The following RAI1 variants were observed in gnomAD, a reference collection of about 807,000 sequenced individuals.
The protein encoded by RAI1 is retinoic acid-induced protein 1.
RAI1 carries 9 observed loss-of-function variants against 123.8 expected under a neutral mutation model. The observed-to-expected ratio is 0.07, with a 90% CI of 0.04 to 0.13. The LOEUF (loss-of-function observed/expected upper bound fraction) is 0.13. Ranked by LOEUF, RAI1 falls within the 10% of genes least tolerant of loss-of-function variation. RAI1 has a pLI of 1.00. For synonymous variants in RAI1, 1,231 were observed against 1,127.3 expected (o/e 1.09, Z -1.84); for missense variants, 2,256 against 2,545.8 (o/e 0.89, Z 2.45).
At chr17:17,719,263 C>T (rs554248168) in intron 1 of RAI1, among the ~76,000 whole-genome samples, 58 of 152,362 alleles carry the variant, frequency 3.8e-4, no homozygotes, top group African/African-American at 1.4e-3. Flanking sequence ...AAAGTCCCTA[C>T]AATGGTGTGT....
At position 17,806,163 on chromosome 17, in the gene RAI1, T is replaced by C. The variant is rs368540950; in HGVS notation, c.5659+2314T>C. On this transcript the variant is annotated intron_variant, in intron 4 of 5. Coordinates refer to ENST00000353383, the MANE Select transcript of RAI1 (RefSeq NM_030665.4). ...TATGCACTGTGGAAGAGGTTCATCCTGTCTGAACAAGGGAGAAATCTAGGA... is the reference window on the plus strand; with the variant it reads ...TATGCACTGTGGAAGAGGTTCATCCCGTCTGAACAAGGGAGAAATCTAGGA... Among the ~76,000 whole-genome samples, 71 of 152,368 alleles carry C rather than the reference T, an allele frequency of 4.7e-4. No individual in the cohort carries two copies. The East Asian group carries it at 0.011, about 23-fold the overall frequency.
At chr17:17,681,880 G>A (rs1266523987) in intron 1 of RAI1, 87 bp downstream of exon 1, 1 of 222,476 alleles carries the variant, frequency 4.5e-6, no homozygotes, top group Non-Finnish European at 8.8e-6. Flanking sequence ...CCTAGGCCGG[G>A]TGATGAGCCG....
At chr17:17,734,500 C>G (rs1567858886) in intron 2 of RAI1, among the ~76,000 whole-genome samples, 1 of 152,136 alleles carries the variant, frequency 6.6e-6, no homozygotes, top group African/African-American at 2.4e-5. Flanking sequence ...GTGGCTGATT[C>G]TAAATTGGGA....
In RAI1 at chr17:17,809,557, C is replaced by T. The variant is rs910403727; in HGVS notation, c.5709+118C>T. On this transcript the variant is annotated intron_variant, in intron 5 of 5. Coordinates refer to ENST00000353383, the MANE Select transcript of RAI1 (RefSeq NM_030665.4). The surrounding 1 kb of genome is among the most constrained non-coding windows in gnomAD (Gnocchi z 4.9). ...GCTGCGCAGCCCCGCAGGGCCCAGC[C>T]CTAGGGGAGGGAGCTCTCCCCGCCC... The T allele has an allele frequency of 3.4e-6, 4 of 1,170,974 alleles. No individual in the cohort carries two copies. In the African/African-American group the frequency reaches 4.6e-5, roughly 13 times the overall value. 72.5% of individuals were successfully genotyped at this position (1,170,974 alleles called of 1,614,324 possible).
chr17:17,771,135 C>G (rs1349729054), intron 2 of RAI1, among the ~76,000 whole-genome samples: 1 of 152,178 alleles, frequency 6.6e-6, no homozygotes. Flanking sequence ...GGCCATGCCC[C>G]TGACCCTGCC....
intron 1 of RAI1, among the ~76,000 whole-genome samples, chr17:17,709,130 A>T (rs1054261862): frequency 6.6e-6 from 1 of 152,100 alleles, no homozygotes; most frequent in Non-Finnish European, 1.5e-5. Flanking sequence ...GGGGACCATC[A>T]TTATGACAAT....
rs1727500957 is a variant in RAI1, at chr17:17,799,090, G to T, written c.5565+577G>T. 6.6e-6 allele frequency among the ~76,000 whole-genome samples: 1 copy of T among 152,204 alleles called. No individual in the cohort carries two copies. The highest frequency in any genetic ancestry group is 6.5e-5 in the Admixed American group (1 of 15,280). ...CAACAGGCAGGGCGGGGCAGATCCAGACCCTCTCACCATTGGCTCTGAGAC... is the reference window on the plus strand; with the variant it reads ...CAACAGGCAGGGCGGGGCAGATCCATACCCTCTCACCATTGGCTCTGAGAC... On this transcript the variant is annotated intron_variant, in intron 3 of 5. Transcript: ENST00000353383. This position sits in a 1 kb window ranked among gnomAD's most constrained non-coding sequence, Gnocchi z 4.5.
At chr17:17,713,623 G>A (rs545460274) in intron 1 of RAI1, among the ~76,000 whole-genome samples, 178 of 151,664 alleles carry the variant, frequency 1.2e-3, no homozygotes, top group African/African-American at 4.1e-3. Flanking sequence ...CCTGGGCAAC[G>A]AGAGCAAAAC....
chr17:17,683,859 G>C (rs1914529692), intron 1 of RAI1: 1 of 152,130 alleles, frequency 6.6e-6, no homozygotes, highest in Admixed American at 6.5e-5. Flanking sequence ...TCATAGGCAG[G>C]GACCCTGTCT....
chr17:17,794,742 G>T lies in RAI1; in HGVS notation c.1794G>T (p.Leu598=). 2 of 1,612,310 alleles carry T rather than the reference G, an allele frequency of 1.2e-6. No homozygotes were observed. The highest frequency in any genetic ancestry group is 8.5e-7 in the Non-Finnish European group (1 of 1,180,020). Residue 598 remains leucine, a synonymous_variant, in exon 3 of 6, where the codon CTG becomes CTT. Coordinates refer to ENST00000353383, the MANE Select transcript of RAI1 (RefSeq NM_030665.4). The part of the protein sequence containing the change: ...VAGERDCPRL[L]LSALAQEDLA... ...GTGAGCGGGACTGTCCGCGGCTGCTGCTCAGCGCCCTGGCACAGGAGGACC... is the reference window on the plus strand; with the variant it reads ...GTGAGCGGGACTGTCCGCGGCTGCTTCTCAGCGCCCTGGCACAGGAGGACC...
In RAI1 at chr17:17,704,506, C is replaced by T. The variant is rs148397579; in HGVS notation, c.-148-19522C>T. On this transcript the variant is annotated intron_variant, in intron 1 of 5. Coordinates refer to ENST00000353383, the MANE Select transcript of RAI1 (RefSeq NM_030665.4). ...AGCCAGCCTCCCCAGGCACCCGTGC[C>T]GGGCAGTGGGGTGTGTAAAGGCCTG... Among the ~76,000 whole-genome samples, 275 of 152,248 alleles carry T rather than the reference C, an allele frequency of 1.8e-3. 1 individual carries two copies. The highest frequency in any genetic ancestry group is 3.4e-3 in the Middle Eastern group (1 of 294).
chr17:17,803,806 A>T lies in RAI1; in HGVS notation c.5616A>T (p.Lys1872Asn). The T allele has an allele frequency of 1.2e-6, 2 of 1,613,546 alleles. No individual in the cohort carries two copies. Among genetic ancestry groups the T allele is most frequent in the Non-Finnish European group, 1.7e-6 (2 of 1,180,000 alleles). ...GGGCCACCATTGGGTGCTGCCACAA[A>T]GGATGCCTCCACACCTACCACTACC... ...EAGATIGCCH[K>N]GCLHTYHYPC... Residue 1872 changes from lysine (K) to asparagine (N), a missense_variant, in exon 4 of 6, where the codon AAA (lysine) becomes AAT (asparagine). This residue lies in a region of RAI1 where 243 missense variants were observed against 316.6 expected (regional missense o/e 0.77). Coordinates refer to ENST00000353383, the MANE Select transcript of RAI1 (RefSeq NM_030665.4).
intron 2 of RAI1, among the ~76,000 whole-genome samples, chr17:17,746,634 CTTTT>C (rs377692656): frequency 8.3e-6 from 1 of 120,398 alleles, no homozygotes; most frequent in Non-Finnish European, 1.7e-5. Context: ...CTTTTCTTTT[CTTTT>C]TTTTTTTTTT....
chr17:17,762,474 G>T (rs993528453), intron 2 of RAI1, among the ~76,000 whole-genome samples: 28 of 152,260 alleles, frequency 1.8e-4, no homozygotes, highest in African/African-American at 4.8e-4. Context: ...TTGAGGGAAA[G>T]TTCTGACTCT....
intron 2 of RAI1, among the ~76,000 whole-genome samples, chr17:17,761,173 C>A (rs927355906): frequency 1.3e-5 from 2 of 151,916 alleles, no homozygotes; most frequent in East Asian, 1.9e-4. Flanking sequence ...TTGAAAGAGG[C>A]GACCCATATG....
At chr17:17,783,461 G>C (rs2031690026) in intron 2 of RAI1, among the ~76,000 whole-genome samples, 1 of 151,868 alleles carries the variant, frequency 6.6e-6, no homozygotes, top group South Asian at 2.1e-4. Flanking sequence ...ACCTGCCCCT[G>C]AGGGAGTCCT....
In RAI1 at chr17:17,756,274, C is replaced by T. The variant is rs150493632; in HGVS notation, c.-17+32115C>T. ...GTGCAATGGTGTGATCTCGGCTCAC[C>T]GCAACCTCTGCCTCCCAGGTTCAAG... On this transcript the variant is annotated intron_variant, in intron 2 of 5. Coordinates refer to ENST00000353383, the MANE Select transcript of RAI1 (RefSeq NM_030665.4). Among the ~76,000 whole-genome samples, 481 of 151,840 alleles carry T rather than the reference C, an allele frequency of 3.2e-3. 7 individuals carry two copies. The highest frequency in any genetic ancestry group is 0.029 in the East Asian group (151 of 5,142).
At chr17:17,758,073 G>T (rs2030519770) in intron 2 of RAI1, among the ~76,000 whole-genome samples, 1 of 152,172 alleles carries the variant, frequency 6.6e-6, no homozygotes, top group Non-Finnish European at 1.5e-5. Flanking sequence ...AGAACGTAAG[G>T]CATCAGAAAT....
chr17:17,761,339 C>T (rs2030688977), intron 2 of RAI1, among the ~76,000 whole-genome samples: 1 of 151,926 alleles, frequency 6.6e-6, no homozygotes, highest in Non-Finnish European at 1.5e-5. Context: ...ATGCAGCCAC[C>T]AGATTGAGCC....
Sources: allele counts gnomAD v4.1 joint callset (sites outside exome capture counted in the v4.1 genomes callset), GRCh38; gene constraint gnomAD v4.1.1; regional missense constraint gnomAD v4.1.1; non-coding constraint Gnocchi (gnomAD v3.1); transcripts MANE v1.5; gene names NCBI Gene and HGNC (gene_info 2026-07-23, HGNC 2026-07-21).